USP45: variants seen among roughly 807,000 people sequenced by gnomAD.
USP45 encodes the protein ubiquitin specific peptidase 45, also known as ubiquitin carboxyl-terminal hydrolase 45.
USP45 carries 89 observed loss-of-function variants against 95.8 expected under a neutral mutation model. The observed-to-expected ratio is 0.93, with a 90% CI of 0.78 to 1.11. The LOEUF is 1.11. USP45 is among the 50% of genes least tolerant of loss of function. The pLI is 0.00. For synonymous variants in USP45, 281 were observed against 316.2 expected, an observed-to-expected ratio of 0.89 and a Z score of 1.18; for missense variants, 898 against 942.5, an observed-to-expected ratio of 0.95 and a Z score of 0.62.
chr6:99,443,717 C>T (rs1187915767), intron 14 of USP45, 55 bp from the exon 15 acceptor site: 1 of 1,143,024 alleles, frequency 8.7e-7, no homozygotes, highest in East Asian at 2.7e-5. Flanking sequence ...CATTATCTAC[C>T]ATATAATAAA....
intron 13 of USP45, among the ~76,000 whole-genome samples, chr6:99,455,087 C>T (rs1583063782): frequency 1.7e-5 from 1 of 60,064 alleles, no homozygotes; most frequent in East Asian, 3.2e-4. Flanking sequence ...GACACTCCAT[C>T]TCAAAAAAAA....
chr6:99,442,740 G>A (rs1028905239), intron 15 of USP45, among the ~76,000 whole-genome samples: 2 of 152,034 alleles, frequency 1.3e-5, no homozygotes, highest in African/African-American at 2.4e-5. Context: ...TCAGCTACTT[G>A]GGAGGCTGAA....
At chr6:99,447,129 G>A (rs749121515) in intron 13 of USP45, among the ~76,000 whole-genome samples, 1 of 152,102 alleles carries the variant, frequency 6.6e-6, no homozygotes, top group Non-Finnish European at 1.5e-5. Flanking sequence ...TTATGACACA[G>A]TGTTGCTTGG....
intron 2 of USP45, 72 bp from the exon 3 acceptor site, chr6:99,508,854 C>T (rs1263952863): frequency 2.2e-6 from 3 of 1,357,706 alleles, no homozygotes; most frequent in Non-Finnish European, 3.0e-6. Flanking sequence ...GAGCAAACCT[C>T]AAAAGTATTA....
intron 7 of USP45, among the ~76,000 whole-genome samples, chr6:99,486,228 C>T (rs6934517): frequency 0.85 from 129,868 of 152,214 alleles, 56,125 homozygotes; most frequent in East Asian, 1. Context: ...ACTCAAAGAA[C>T]AGTGCCACAG....
chr6:99,452,296 T>C (rs537177690), intron 13 of USP45, among the ~76,000 whole-genome samples: 21 of 152,092 alleles, frequency 1.4e-4, no homozygotes, highest in African/African-American at 4.8e-4. Context: ...AAAGGGCAAA[T>C]ATCCAGAATC....
intron 5 of USP45, among the ~76,000 whole-genome samples, chr6:99,495,465 A>G (rs1332168343): frequency 6.6e-6 from 1 of 152,200 alleles, no homozygotes; most frequent in Non-Finnish European, 1.5e-5. Context: ...ATAGTTTGAG[A>G]GTGTATCTCC....
rs187087063 is a variant in USP45, at chr6:99,467,791, T to A, written c.1015+746A>T. Among the ~76,000 whole-genome samples the A allele has an allele frequency of 7.9e-3, 1,201 of 152,134 alleles. 16 individuals are homozygous for A. The highest frequency in any genetic ancestry group is 0.028 in the African/African-American group (1,151 of 41,534). On this transcript the variant is annotated intron_variant, in intron 10 of 17. Coordinates refer to ENST00000500704, the MANE Select transcript of USP45 (RefSeq NM_001346022.3). ...TCTTGAACCCTTAATTACAATAAAG[T>A]GCACAGTAACAATGTGTGTATGTTT...
chr6:99,435,628 A>C lies in USP45; in HGVS notation c.*88T>G. ...GAGGAACATGCTATTCCTACAGAAGAGGGAAGACTAGAAAGGCACATTATA... is the reference window on the plus strand; with the variant it reads ...GAGGAACATGCTATTCCTACAGAAGCGGGAAGACTAGAAAGGCACATTATA... On this transcript the variant is annotated 3_prime_UTR_variant, in exon 18 of 18. Transcript: ENST00000500704. 9 of 1,153,604 alleles carry C rather than the reference A, an allele frequency of 7.8e-6. No homozygotes were observed. Among genetic ancestry groups the C allele is most frequent in the Non-Finnish European group, 1.1e-5 (9 of 839,996 alleles). The allele number at this position is 1,153,604 out of a possible 1,614,324, so 71.5% of individuals were successfully genotyped here. A position where few individuals can be genotyped will look rare whatever the true frequency, so the allele number is the denominator to read the frequency against.
At chr6:99,512,086 C>T (rs974440473) in intron 1 of USP45, among the ~76,000 whole-genome samples, 1 of 151,976 alleles carries the variant, frequency 6.6e-6, no homozygotes, top group East Asian at 1.9e-4. Context: ...TCTTCTATAG[C>T]TGGTTTTTTG....
chr6:99,475,270 T>A (rs1430187770), intron 9 of USP45, among the ~76,000 whole-genome samples: 1 of 151,068 alleles, frequency 6.6e-6, no homozygotes, highest in Non-Finnish European at 1.5e-5. Flanking sequence ...CCTGTTCCTA[T>A]ATCCCCCTAT....
chr6:99,475,902 G>A (rs2128675660), intron 9 of USP45, among the ~76,000 whole-genome samples: 1 of 152,226 alleles, frequency 6.6e-6, no homozygotes, highest in South Asian at 2.1e-4. Flanking sequence ...TCCGCTCACT[G>A]CAACCTCTGC....
chr6:99,476,271 T>G (rs1790834349), intron 8 of USP45, 41 bp from the exon 9 acceptor site: 1 of 1,569,334 alleles, frequency 6.4e-7, no homozygotes, highest in African/African-American at 1.4e-5. Flanking sequence ...AAAAGAATAA[T>G]CATTCCATGG....
intron 13 of USP45, among the ~76,000 whole-genome samples, chr6:99,451,221 T>C (rs1783771690): frequency 6.6e-6 from 1 of 152,098 alleles, no homozygotes; most frequent in Non-Finnish European, 1.5e-5. Flanking sequence ...GGGTATTCAA[T>C]TAGGAAAAGA....
At chr6:99,490,166 A>AT (rs1331082294) in intron 5 of USP45, among the ~76,000 whole-genome samples, 3 of 151,478 alleles carry the variant, frequency 2.0e-5, no homozygotes, top group East Asian at 1.9e-4. Flanking sequence ...CAGCCCTCAG[A>AT]TTTTTTCTTT....
At chr6:99,437,889 C>G (rs1022974643) in intron 16 of USP45, among the ~76,000 whole-genome samples, 1 of 152,112 alleles carries the variant, frequency 6.6e-6, no homozygotes, top group Admixed American at 6.6e-5. Flanking sequence ...AACTCTTGAC[C>G]TCAGGTGATC....
chr6:99,497,293 C>T (rs77864497), intron 5 of USP45, among the ~76,000 whole-genome samples: 4,856 of 151,004 alleles, frequency 0.032, 251 homozygotes, highest in African/African-American at 0.11. Flanking sequence ...TAAGCAAATC[C>T]TAACATCAGA....
Position 99,443,658 on chromosome 6 carries a change from C to G in USP45, c.1980G>C (p.Lys660Asn). 1 of 1,573,166 alleles carries G rather than the reference C, an allele frequency of 6.4e-7. No homozygotes were observed. The highest frequency in any genetic ancestry group is 1.2e-5 in the South Asian group (1 of 82,320). Residue 660 changes from lysine to asparagine, a missense_variant, in exon 15 of 18, where the codon AAG becomes AAC. By Grantham distance (94) the Lys-to-Asn change is moderately conservative. Transcript: ENST00000500704. ...KYQEETSFAE[K>N]KVEGVYTNAR... ...CATTAGTATAAACTCCTTCTACTTT[C>G]TTTTCTACATAAAATACAATAAATT... is the stretch of plus-strand genomic sequence containing the variant.
intron 9 of USP45, among the ~76,000 whole-genome samples, chr6:99,471,343 G>A (rs1010151597): frequency 1.3e-5 from 2 of 151,510 alleles, no homozygotes; most frequent in African/African-American, 4.9e-5. Flanking sequence ...TCAATTAGCA[G>A]TATCAAGGTT....
Sources: allele counts gnomAD v4.1 joint callset (sites outside exome capture counted in the v4.1 genomes callset), GRCh38; gene constraint gnomAD v4.1.1; transcripts MANE v1.5; gene names NCBI Gene and HGNC (gene_info 2026-07-23, HGNC 2026-07-21).